Variants in TUSC3 observed in about 807,000 individuals in gnomAD.
TUSC3 encodes the protein tumor suppressor candidate 3.
In TUSC3, 45 loss-of-function variants were observed where a neutral mutation model predicts 44.8. The observed-to-expected ratio is 1.00, with a 90% confidence interval of 0.79 to 1.29. TUSC3 has a LOEUF of 1.29. TUSC3 is among the 50% of genes most tolerant of loss of function. The probability of loss-of-function intolerance (pLI) is 0.00; values close to 1 mark genes in which losing one functional copy is unlikely to be tolerated. For synonymous variants in TUSC3, 212 were observed against 152.9 expected, an observed-to-expected ratio of 1.39 and a Z score of -2.85; for missense variants, 519 against 437.9, an observed-to-expected ratio of 1.19 and a Z score of -1.65.
intron 1 of TUSC3, among the ~76,000 whole-genome samples, chr8:15,579,117 G>A (rs1256895655): frequency 3.3e-5 from 5 of 151,996 alleles, no homozygotes; most frequent in African/African-American, 1.2e-4. Flanking sequence ...GGTGTTTGTA[G>A]TATTCTCTGA....
chr8:15,749,131 AT>A (rs67542161), intron 9 of TUSC3, among the ~76,000 whole-genome samples: 53,516 of 114,686 alleles, frequency 0.47, 9,759 homozygotes, highest in African/African-American at 0.56. Flanking sequence ...ATAACTTAAC[AT>A]TTTTTTCTTT....
chr8:15,448,129 T>A (rs75982136), intron 1 of TUSC3, among the ~76,000 whole-genome samples: 3,124 of 17,108 alleles, frequency 0.18, 155 homozygotes, highest in Middle Eastern at 0.26. Flanking sequence ...ATTTATTTAT[T>A]TATTTTTTAG....
chr8:15,662,368 A>T, intron 5 of TUSC3, 72 bp downstream of exon 5: 4 of 1,590,666 alleles, frequency 2.5e-6, no homozygotes, highest in Non-Finnish European at 3.4e-6. Flanking sequence ...AATATTAACA[A>T]AATGAGCCAG....
intron 7 of TUSC3, among the ~76,000 whole-genome samples, chr8:15,741,196 G>C (rs2604355): frequency 6.6e-6 from 1 of 151,962 alleles, no homozygotes; most frequent in East Asian, 1.9e-4. Flanking sequence ...TTGACCCTAA[G>C]AACATACTAA....
chr8:15,598,777 A>AT (rs964200275), intron 1 of TUSC3, among the ~76,000 whole-genome samples: 10 of 150,628 alleles, frequency 6.6e-5, no homozygotes, highest in South Asian at 4.2e-4. Context: ...TTGATAGCTC[A>AT]TTTTTTTTTA....
At chr8:15,727,026 G>A (rs772019684) in intron 6 of TUSC3, among the ~76,000 whole-genome samples, 1 of 152,054 alleles carries the variant, frequency 6.6e-6, no homozygotes, top group East Asian at 1.9e-4. Context: ...TTACTGATAC[G>A]TCCCTCACTC....
chr8:15,502,137 T>G (rs1800975211), intron 2 of TUSC3, among the ~76,000 whole-genome samples: 1 of 152,236 alleles, frequency 6.6e-6, no homozygotes, highest in Non-Finnish European at 1.5e-5. Flanking sequence ...TAAATTGTGT[T>G]GACAGTGTAA....
chr8:15,598,619 C>T (rs1804161901), intron 1 of TUSC3, among the ~76,000 whole-genome samples: 2 of 151,992 alleles, frequency 1.3e-5, no homozygotes, highest in East Asian at 3.9e-4. Flanking sequence ...TCTCCACCCT[C>T]TGGCAACCAC....
In TUSC3 at chr8:15,568,605, CT is replaced by C. The variant is rs113701042; in HGVS notation, c.138+28052del. Among the ~76,000 whole-genome samples the C allele has an allele frequency of 9.7e-3, 1,363 of 140,562 alleles. 11 individuals are homozygous for C. Among genetic ancestry groups the C allele is most frequent in the African/African-American group, 0.023 (891 of 38,608 alleles). The allele number at this position is 140,562 out of a possible 152,430, so 92.2% of individuals were successfully genotyped here. ...TACAGAAATTAAAAATACACAAATT[CT>C]TTTTTTTTTTTTTTCCTGTGGAGTC... On this transcript the variant is annotated intron_variant, in intron 1 of 10. Transcript: ENST00000503731.
At chr8:15,824,423 A>C in the TUSC3 span, among the ~76,000 whole-genome samples, 98 of 152,066 alleles carry the variant, frequency 6.4e-4, no homozygotes, top group Non-Finnish European at 7.8e-4. Context: ...AAAAATCTAT[A>C]AAGATGGTTT....
chr8:15,811,448 T>C, the TUSC3 span, among the ~76,000 whole-genome samples: 3 of 152,128 alleles, frequency 2.0e-5, no homozygotes, highest in Admixed American at 6.5e-5. Flanking sequence ...CCGGGGGTAG[T>C]TGCCACCTTT....
chr8:15,525,671 C>T (rs1016008033), intron 2 of TUSC3, among the ~76,000 whole-genome samples: 2 of 152,170 alleles, frequency 1.3e-5, no homozygotes, highest in Non-Finnish European at 2.9e-5. Flanking sequence ...AAAGACAGAG[C>T]TCATGGTGGT....
chr8:15,688,734 C>CT, intron 6 of TUSC3, among the ~76,000 whole-genome samples: 1 of 152,278 alleles, frequency 6.6e-6, no homozygotes, highest in African/African-American at 2.4e-5. Context: ...CTCCTCTCCT[C>CT]TCTGTATGCC....
At chr8:15,665,109 G>A (rs565999455) in intron 5 of TUSC3, among the ~76,000 whole-genome samples, 13 of 151,402 alleles carry the variant, frequency 8.6e-5, no homozygotes, top group African/African-American at 3.1e-4. Flanking sequence ...TTGGAAGTAA[G>A]GAAAAAAATG....
At chr8:15,570,716 C>T (rs1341255934) in intron 1 of TUSC3, among the ~76,000 whole-genome samples, 2 of 151,764 alleles carry the variant, frequency 1.3e-5, no homozygotes, top group Non-Finnish European at 2.9e-5. Context: ...AGTAATTTGC[C>T]TGGAATCATG....
chr8:15,784,514 G>A, the TUSC3 span, among the ~76,000 whole-genome samples: 1 of 151,818 alleles, frequency 6.6e-6, no homozygotes, highest in African/African-American at 2.4e-5. Context: ...GTGTGTGTGT[G>A]TGCATATATA....
the TUSC3 span, chr8:15,806,716 G>A: frequency 2.4e-6 from 2 of 836,034 alleles, no homozygotes; most frequent in African/African-American, 3.4e-5. Context: ...CAAGGGCTTT[G>A]GATACAGCCA....
chr8:15,632,476 G>C (rs1426254431), intron 2 of TUSC3, among the ~76,000 whole-genome samples: 1 of 152,156 alleles, frequency 6.6e-6, no homozygotes, highest in African/African-American at 2.4e-5. Flanking sequence ...ATGGTTGTCA[G>C]ATCTCTCCAT....
chr8:15,461,054 A>C (rs1000762150), intron 1 of TUSC3, among the ~76,000 whole-genome samples: 7 of 152,230 alleles, frequency 4.6e-5, no homozygotes, highest in Admixed American at 1.3e-4. Flanking sequence ...GTGTTTTCTA[A>C]TTCTGTGAAG....
Sources: allele counts gnomAD v4.1 joint callset (sites outside exome capture counted in the v4.1 genomes callset), GRCh38; gene constraint gnomAD v4.1.1; transcripts MANE v1.5; gene names NCBI Gene and HGNC (gene_info 2026-07-23, HGNC 2026-07-21).